The following TMEM165 variants were observed in gnomAD, a reference collection of about 807,000 sequenced individuals.
TMEM165 encodes transmembrane protein 165, also known as putative divalent cation/proton antiporter TMEM165.
TMEM165 carries 19 observed loss-of-function variants against 30.0 expected under a neutral mutation model. The ratio of observed to expected loss-of-function variants is 0.63; its 90% CI spans 0.44 to 0.93. The LOEUF (loss-of-function observed/expected upper bound fraction) is 0.93, where lower values mean the gene tolerates loss of function less well. Among genes scored for constraint, TMEM165 ranks in the 40% least tolerant of loss-of-function variants. The probability of loss-of-function intolerance (pLI) is 0.00; values close to 1 mark genes in which losing one functional copy is unlikely to be tolerated. For synonymous variants in TMEM165, 168 were observed against 162.9 expected (o/e 1.03, Z -0.24); for missense variants, 340 against 417.0 (o/e 0.82, Z 1.61).
At chr4:55,452,950 G>C (rs1248753426) in exon 4 of TMEM165, 1 of 802,786 alleles carries the variant, frequency 1.2e-6, no homozygotes, top group Non-Finnish European at 2.0e-6. Context: ...TTATAAGTGA[G>C]GAAATAAAGT....
chr4:55,452,965 T>C, exon 4 of TMEM165: 4 of 912,084 alleles, frequency 4.4e-6, no homozygotes, highest in Non-Finnish European at 6.8e-6. Flanking sequence ...TAAAGTATTT[T>C]TGAAAAATAG....
At chr4:55,401,827 T>C (rs1721005349) in intron 1 of TMEM165, among the ~76,000 whole-genome samples, 1 of 149,922 alleles carries the variant, frequency 6.7e-6, no homozygotes, top group Admixed American at 6.6e-5. Flanking sequence ...AAAAATAAAA[T>C]CAATGAAGGC....
intron 4 of TMEM165, among the ~76,000 whole-genome samples, chr4:55,420,865 A>G (rs951091646): frequency 1.3e-5 from 2 of 152,170 alleles, no homozygotes; most frequent in Non-Finnish European, 2.9e-5. Context: ...TCAGAGTCAA[A>G]TTTGGCAAAT....
intron 3 of TMEM165, among the ~76,000 whole-genome samples, chr4:55,439,167 A>G (rs886657092): frequency 6.6e-6 from 1 of 152,180 alleles, no homozygotes; most frequent in African/African-American, 2.4e-5. Context: ...CAACTCAACA[A>G]CAATCAACCC....
chr4:55,436,501 G>GA (rs1665776964), intron 3 of TMEM165, among the ~76,000 whole-genome samples: 1 of 152,158 alleles, frequency 6.6e-6, no homozygotes, highest in Non-Finnish European at 1.5e-5. Context: ...TTTTTACAAT[G>GA]AAAGTCCTTT....
intron 1 of TMEM165, among the ~76,000 whole-genome samples, chr4:55,408,366 C>T (rs971215287): frequency 1.3e-5 from 2 of 152,036 alleles, no homozygotes; most frequent in Non-Finnish European, 2.9e-5. Context: ...TGCAGACGTC[C>T]TAGAGTGTAC....
intron 4 of TMEM165, among the ~76,000 whole-genome samples, chr4:55,418,579 G>A (rs1435020925): frequency 6.6e-6 from 1 of 151,626 alleles, no homozygotes; most frequent in African/African-American, 2.4e-5. Flanking sequence ...GAAATTGACT[G>A]TTGCACAGAC....
intron 1 of TMEM165, chr4:55,403,314 T>C: frequency 7.1e-6 from 9 of 1,273,326 alleles, no homozygotes; most frequent in Non-Finnish European, 9.1e-6. Flanking sequence ...AGTTTCATCA[T>C]GTATAGATGG....
chr4:55,424,444 T>C, intron 4 of TMEM165, 94 bp from the exon 5 acceptor site: 2 of 736,128 alleles, frequency 2.7e-6, no homozygotes, highest in Non-Finnish European at 4.8e-6. Flanking sequence ...TTTTTAATTG[T>C]TGGCCACCAT....
chr4:55,427,271 T>C (rs921931439), downstream of TMEM165, among the ~76,000 whole-genome samples: 1 of 151,480 alleles, frequency 6.6e-6, no homozygotes, highest in East Asian at 1.9e-4. Flanking sequence ...CTCCTGACCT[T>C]ATGATCCGCC....
intron 3 of TMEM165, among the ~76,000 whole-genome samples, chr4:55,451,264 TCA>T (rs1724424312): frequency 6.6e-6 from 1 of 152,218 alleles, no homozygotes; most frequent in Non-Finnish European, 1.5e-5. Flanking sequence ...AAGTTAATGC[TCA>T]GTTCTCAACA....
chr4:55,416,961 A>C, intron 2 of TMEM165, 111 bp from the exon 3 acceptor site: 1 of 901,182 alleles, frequency 1.1e-6, no homozygotes, highest in Non-Finnish European at 1.7e-6. Flanking sequence ...ATTAGCTTCT[A>C]ATGTGAACCA....
chr4:55,419,430 G>A (rs1402186572), intron 4 of TMEM165, among the ~76,000 whole-genome samples: 1 of 152,212 alleles, frequency 6.6e-6, no homozygotes, highest in Non-Finnish European at 1.5e-5. Context: ...CTGACCCCCA[G>A]AGAGATCGGG....
chr4:55,435,680 G>C, intron 3 of TMEM165: 2 of 1,381,710 alleles, frequency 1.4e-6, no homozygotes, highest in South Asian at 2.4e-5. Flanking sequence ...CCTGTCCATA[G>C]GGACAAAATC....
At chr4:55,450,320 C>G in intron 3 of TMEM165, 2 of 1,526,196 alleles carry the variant, frequency 1.3e-6, no homozygotes, top group Non-Finnish European at 1.8e-6. Context: ...ACAAAAAAAT[C>G]AGTTTTTGTC....
rs1468349402 is a variant in TMEM165, at chr4:55,425,380, A to C, written c.903A>C (p.Thr301=). ...CTTTTTTTCTCTCTCTTCCAGTGACAATCATAGGAGGCATCGTTTTTTTGG... is the reference window on the plus strand; with the variant it reads ...CTTTTTTTCTCTCTCTTCCAGTGACCATCATAGGAGGCATCGTTTTTTTGG... ...IAQKISVRTV[T]IIGGIVFLAF... The change falls in exon 6 of 6, where the codon ACA becomes ACC. Residue 301 remains threonine (T), a synonymous_variant. Coordinates refer to ENST00000381334, the MANE Select transcript of TMEM165 (RefSeq NM_018475.5). 1.2e-6 allele frequency: 2 copies of C among 1,613,652 alleles called. No homozygotes were observed. Among genetic ancestry groups the C allele is most frequent in the Non-Finnish European group, 1.7e-6 (2 of 1,179,696 alleles).
chr4:55,438,563 T>C (rs746140035), intron 3 of TMEM165: 32 of 1,612,268 alleles, frequency 2.0e-5, no homozygotes, highest in Non-Finnish European at 2.5e-5. Flanking sequence ...AGGAAAAAAA[T>C]TGGAGTCCAA....
chr4:55,400,650 G>A (rs1368873015), intron 1 of TMEM165, among the ~76,000 whole-genome samples: 2 of 148,952 alleles, frequency 1.3e-5, no homozygotes, highest in African/African-American at 5.1e-5. Context: ...TGTTAGCCAG[G>A]AGGTCTCCAT....
At chr4:55,422,824 TA>T (rs1722037576) in intron 4 of TMEM165, among the ~76,000 whole-genome samples, 1 of 152,122 alleles carries the variant, frequency 6.6e-6, no homozygotes, top group South Asian at 2.1e-4. Context: ...TAATTTTTTG[TA>T]TTTTTAGTAG....
Sources: gnomAD v4.1 joint callset for allele counts (sites outside exome capture counted in the v4.1 genomes callset) on GRCh38, gnomAD v4.1.1 for gene constraint, MANE v1.5 for transcripts, NCBI Gene and HGNC (gene_info 2026-07-23, HGNC 2026-07-21) for gene names.